CDK8: variants seen among roughly 807,000 people sequenced by gnomAD.
The protein encoded by CDK8 is cyclin-dependent kinase 8.
In CDK8, 29 loss-of-function variants were observed where a neutral mutation model predicts 71.5. The observed-to-expected ratio is 0.41, with a 90% CI of 0.30 to 0.55. The LOEUF (loss-of-function observed/expected upper bound fraction) is 0.55, where lower values mean the gene tolerates loss of function less well. CDK8 is among the 20% of genes least tolerant of loss of function. CDK8 has a pLI of 0.37. For synonymous variants in CDK8, 161 were observed against 192.1 expected (o/e 0.84, Z 1.34); for missense variants, 288 against 572.6 (o/e 0.50, Z 5.07).
Position 26,405,191 on chromosome 13 carries a change from G to A in CDK8, c.*1110G>A, listed in dbSNP as rs1307657175. 2 of 174,202 alleles carry A rather than the reference G, an allele frequency of 1.1e-5. No homozygotes were observed. The highest frequency in any genetic ancestry group is 2.5e-5 in the Non-Finnish European group (2 of 80,834). 10.8% of individuals were successfully genotyped at this position (174,202 alleles called of 1,614,324 possible). On this transcript the variant is annotated 3_prime_UTR_variant, in exon 13 of 13. Coordinates refer to ENST00000381527, the MANE Select transcript of CDK8 (RefSeq NM_001260.3). ...TCTGAATAAAAAATAATTGAACATT[G>A]TTAAAAACAAGGTGTTATGTAATAA...
At chr13:26,335,274 T>G (rs1251660065) in intron 1 of CDK8, among the ~76,000 whole-genome samples, 2 of 152,220 alleles carry the variant, frequency 1.3e-5, no homozygotes, top group Non-Finnish European at 1.5e-5. Flanking sequence ...CCTACTCCAC[T>G]ATCCATTGTT....
At chr13:26,316,767 G>A (rs894179682) in intron 1 of CDK8, among the ~76,000 whole-genome samples, 14 of 152,200 alleles carry the variant, frequency 9.2e-5, no homozygotes, top group Admixed American at 6.5e-4. Flanking sequence ...CAAATGTCCA[G>A]TTTTCAACAA....
chr13:26,331,549 C>G (rs1173580736), intron 1 of CDK8, among the ~76,000 whole-genome samples: 2 of 152,114 alleles, frequency 1.3e-5, no homozygotes, highest in African/African-American at 2.4e-5. Context: ...GTTTTCCCAG[C>G]ATCATTTATT....
At chr13:26,258,538 A>C (rs1156688307) in intron 1 of CDK8, among the ~76,000 whole-genome samples, 1 of 151,866 alleles carries the variant, frequency 6.6e-6, no homozygotes, top group Non-Finnish European at 1.5e-5. Context: ...AATGAAAGCC[A>C]TGTGGAAGCA....
chr13:26,303,732 A>G (rs1328240005), intron 1 of CDK8, among the ~76,000 whole-genome samples: 1 of 152,172 alleles, frequency 6.6e-6, no homozygotes, highest in Non-Finnish European at 1.5e-5. Flanking sequence ...GATATGGCCA[A>G]TTTTTATAAA....
chr13:26,354,166 G>A (rs1010635180), intron 4 of CDK8, among the ~76,000 whole-genome samples: 1 of 152,096 alleles, frequency 6.6e-6, no homozygotes, highest in African/African-American at 2.4e-5. Context: ...GCTTTAAATT[G>A]ATTATTAGAT....
intron 2 of CDK8, among the ~76,000 whole-genome samples, chr13:26,344,819 A>G (rs890524147): frequency 6.6e-6 from 1 of 152,112 alleles, no homozygotes; most frequent in Non-Finnish European, 1.5e-5. Flanking sequence ...TACCTTTCAG[A>G]CTACCTCCTG....
intron 1 of CDK8, among the ~76,000 whole-genome samples, chr13:26,302,089 A>G (rs1873847580): frequency 6.6e-6 from 1 of 152,206 alleles, no homozygotes; most frequent in Admixed American, 6.5e-5. Context: ...ACAGCAAGCA[A>G]GATCCCAGCT....
intron 4 of CDK8, among the ~76,000 whole-genome samples, chr13:26,375,753 G>T (rs1237377766): frequency 6.6e-6 from 1 of 152,220 alleles, no homozygotes; most frequent in Non-Finnish European, 1.5e-5. Flanking sequence ...GAAGATGTCT[G>T]TAAACTGATA....
At chr13:26,359,871 AC>A (rs1874058011) in intron 4 of CDK8, 1 of 217,304 alleles carries the variant, frequency 4.6e-6, no homozygotes, top group African/African-American at 2.4e-5. Context: ...GTGTACCACC[AC>A]ATCCGGCCAA....
chr13:26,384,036 A>G (rs1312028304), intron 5 of CDK8, among the ~76,000 whole-genome samples: 1 of 152,236 alleles, frequency 6.6e-6, no homozygotes, highest in Admixed American at 6.5e-5. Context: ...AGTAATTACA[A>G]AAGTGTTCTT....
At chr13:26,368,129 C>T (rs1187611885) in intron 4 of CDK8, among the ~76,000 whole-genome samples, 1 of 152,124 alleles carries the variant, frequency 6.6e-6, no homozygotes, top group East Asian at 1.9e-4. Context: ...TATCTGTTTA[C>T]CCTACCCCTA....
In CDK8 at chr13:26,401,116, G is replaced by T. The variant is rs1336499019; in HGVS notation, c.1032-153G>T. 1.3e-5 allele frequency among the ~76,000 whole-genome samples: 2 copies of T among 152,136 alleles called. No individual in the cohort carries two copies. The highest frequency in any genetic ancestry group is 4.8e-5 in the African/African-American group (2 of 41,436). On this transcript the variant is annotated intron_variant, in intron 10 of 12. Coordinates refer to ENST00000381527, the MANE Select transcript of CDK8 (RefSeq NM_001260.3). The surrounding 1 kb of genome is among the most constrained non-coding windows in gnomAD (Gnocchi z 4.5). ...GTAATATTACTAGTTACAAAGAAAA[G>T]ATTCGTTTTGTCACAGTTACATGAA...
intron 6 of CDK8, among the ~76,000 whole-genome samples, chr13:26,392,188 T>A (rs1364221904): frequency 1.3e-5 from 2 of 152,210 alleles, no homozygotes; most frequent in Non-Finnish European, 2.9e-5. Context: ...TTACCTCTAC[T>A]AATAGTTCTT....
intron 4 of CDK8, among the ~76,000 whole-genome samples, chr13:26,356,347 T>C (rs908208186): frequency 6.6e-6 from 1 of 152,218 alleles, no homozygotes; most frequent in African/African-American, 2.4e-5. Context: ...ATTTAAAGTT[T>C]ATTAATCCAA....
At chr13:26,380,042 A>G (rs1875141799) in intron 4 of CDK8, among the ~76,000 whole-genome samples, 2 of 152,240 alleles carry the variant, frequency 1.3e-5, no homozygotes, top group Non-Finnish European at 1.5e-5. Flanking sequence ...GAAAACATGC[A>G]TGCAGCAGGA....
chr13:26,299,990 AAC>A (rs1873752378), intron 1 of CDK8, among the ~76,000 whole-genome samples: 1 of 152,146 alleles, frequency 6.6e-6, no homozygotes. Context: ...CCATGGGCTG[AAC>A]TTGGTTAAAT....
intron 1 of CDK8, among the ~76,000 whole-genome samples, chr13:26,299,298 A>C (rs1161588984): frequency 6.6e-6 from 1 of 152,220 alleles, no homozygotes; most frequent in African/African-American, 2.4e-5. Flanking sequence ...TGAGTTAACC[A>C]TGGAGATATA....
At chr13:26,394,335 G>A (rs933027111) in intron 7 of CDK8, among the ~76,000 whole-genome samples, 1 of 152,202 alleles carries the variant, frequency 6.6e-6, no homozygotes, top group Non-Finnish European at 1.5e-5. Flanking sequence ...TTAATTATCA[G>A]TAAATGCAGA....
Sources: allele counts gnomAD v4.1 joint callset (sites outside exome capture counted in the v4.1 genomes callset), GRCh38; gene constraint gnomAD v4.1.1; non-coding constraint Gnocchi (gnomAD v3.1); transcripts MANE v1.5; gene names NCBI Gene and HGNC (gene_info 2026-07-23, HGNC 2026-07-21).